MTMR8: variants seen among roughly 807,000 people sequenced by gnomAD.
MTMR8 encodes myotubularin related protein 8.
In MTMR8, 65 loss-of-function variants were observed where a neutral mutation model predicts 39.3. The ratio of observed to expected loss-of-function variants is 1.65; its 90% CI spans 1.35 to 2.03. MTMR8 has a LOEUF of 2.03. MTMR8 is among the 30% of genes most tolerant of loss of function. The probability of loss-of-function intolerance (pLI) is 0.00; values close to 1 mark genes in which losing one functional copy is unlikely to be tolerated. For missense variants in MTMR8, 777 were observed against 538.9 expected (o/e 1.44, Z -4.37); for synonymous variants, 245 against 185.2 (o/e 1.32, Z -2.62).
intron 6 of MTMR8, among the ~76,000 whole-genome samples, chrX:64,348,277 T>C (rs1255256480): frequency 9.0e-6 from 1 of 110,992 alleles, no homozygotes; most frequent in East Asian, 2.8e-4. Context: ...AAAAACATGT[T>C]GGTTGTAGTA....
intron 12 of MTMR8, among the ~76,000 whole-genome samples, chrX:64,311,731 G>A (rs1229011848): frequency 1.9e-5 from 2 of 106,793 alleles, no homozygotes; most frequent in South Asian, 4.1e-4. Context: ...AGTTTTCCCA[G>A]CACCATTTAT....
At position 64,268,186 on chromosome X, in the gene MTMR8, T is replaced by C; in HGVS notation, c.*351A>G. On this transcript the variant is annotated 3_prime_UTR_variant, in exon 14 of 14. Transcript: ENST00000374852. ...TTGACCATTGTGACAATATTTCCAC[T>C]TCACTTTCACATTACTGCAGTGAGG... 4.9e-6 allele frequency: 1 copy of C among 202,976 alleles called. No individual in the cohort carries two copies. Among genetic ancestry groups the C allele is most frequent in the Admixed American group, 6.6e-5 (1 of 15,236 alleles). 16.7% of individuals were successfully genotyped at this position (202,976 alleles called of 1,213,427 possible).
intron 12 of MTMR8, among the ~76,000 whole-genome samples, chrX:64,276,265 G>A (rs138950559): frequency 9.0e-6 from 1 of 110,553 alleles, no homozygotes; most frequent in Non-Finnish European, 1.9e-5. Flanking sequence ...CTAGATGTTA[G>A]GGTGTTGATC....
intron 12 of MTMR8, among the ~76,000 whole-genome samples, chrX:64,299,786 T>A (rs1171717205): frequency 9.9e-5 from 10 of 101,038 alleles, no homozygotes; most frequent in Non-Finnish European, 1.4e-4. Flanking sequence ...TGTGTCTTTG[T>A]TCTCGTTGGT....
chrX:64,302,268 G>T (rs900453535), intron 12 of MTMR8, among the ~76,000 whole-genome samples: 2 of 112,552 alleles, frequency 1.8e-5, no homozygotes, highest in Non-Finnish European at 3.8e-5. Context: ...TAGTCTCATG[G>T]TGCGCCGTTT....
At chrX:64,358,743 C>A (rs1464903313) in intron 2 of MTMR8, among the ~76,000 whole-genome samples, 4 of 110,159 alleles carry the variant, frequency 3.6e-5, no homozygotes, top group African/African-American at 9.9e-5. Context: ...AAATTATGAT[C>A]TTTAGGATGG....
chrX:64,360,416 A>G, intron 1 of MTMR8: 1 of 305,514 alleles, frequency 3.3e-6, no homozygotes, highest in Non-Finnish European at 6.2e-6. Flanking sequence ...AATCAAATGA[A>G]GATACGGAAC....
intron 12 of MTMR8, among the ~76,000 whole-genome samples, chrX:64,318,746 C>T (rs750866522): frequency 4.3e-5 from 4 of 91,973 alleles, no homozygotes; most frequent in East Asian, 3.3e-4. Context: ...CTCCCTCTGT[C>T]GCCCAGGCTG....
At position 64,301,211 on chromosome X, in the gene MTMR8, C is replaced by T. The variant is rs1020312589; in HGVS notation, c.1481+27561G>A. The stretch of plus-strand genomic sequence containing the variant: ...CCATTCTCCTCATCACTTTCAGGTA[C>T]ACCAATCAGACGTAGATTTGGTCTT... On this transcript the variant is annotated intron_variant, in intron 12 of 13. Coordinates refer to ENST00000374852, the MANE Select transcript of MTMR8 (RefSeq NM_017677.4). 1.1e-3 allele frequency among the ~76,000 whole-genome samples: 120 copies of T among 109,636 alleles called. 1 individual carries two copies. Among genetic ancestry groups the T allele is most frequent in the African/African-American group, 4.0e-3 (120 of 30,149 alleles).
chrX:64,379,249 G>A (rs988662465), intron 1 of MTMR8, among the ~76,000 whole-genome samples: 4 of 112,027 alleles, frequency 3.6e-5, no homozygotes, highest in African/African-American at 1.3e-4. Flanking sequence ...CAAAATGGAA[G>A]CAGACAGAAT....
intron 1 of MTMR8, among the ~76,000 whole-genome samples, chrX:64,384,207 G>A (rs1444951246): frequency 8.9e-6 from 1 of 112,124 alleles, no homozygotes; most frequent in Non-Finnish European, 1.9e-5. Context: ...ACTGCTGTGA[G>A]GGGTGGACTC....
chrX:64,276,813 G>C (rs779448041), intron 12 of MTMR8, among the ~76,000 whole-genome samples: 3 of 110,909 alleles, frequency 2.7e-5, no homozygotes, highest in Admixed American at 1.9e-4. Flanking sequence ...GTCTAGAGCT[G>C]AGTTCAAGTC....
intron 12 of MTMR8, among the ~76,000 whole-genome samples, chrX:64,301,757 T>A (rs900325776): frequency 1.7e-4 from 19 of 111,748 alleles, no homozygotes; most frequent in African/African-American, 5.9e-4. Context: ...GGGTTTTCGG[T>A]GTGGATGTCC....
chrX:64,389,003 C>T (rs1057407755), intron 1 of MTMR8, among the ~76,000 whole-genome samples: 1 of 111,951 alleles, frequency 8.9e-6, no homozygotes, highest in Non-Finnish European at 1.9e-5. Context: ...GTAAAGAGCA[C>T]AAACTTGGGT....
intron 1 of MTMR8, among the ~76,000 whole-genome samples, chrX:64,370,206 T>A (rs1303534069): frequency 9.0e-6 from 1 of 111,123 alleles, no homozygotes; most frequent in Non-Finnish European, 1.9e-5. Flanking sequence ...TAAAAAGCCA[T>A]CTTTCCTTTT....
At chrX:64,308,883 T>C (rs1290519237) in intron 12 of MTMR8, among the ~76,000 whole-genome samples, 1 of 112,023 alleles carries the variant, frequency 8.9e-6, no homozygotes, top group Non-Finnish European at 1.9e-5. Context: ...GAATTGTCTT[T>C]GTTCCTTTGT....
At chrX:64,297,583 T>A (rs1281160517) in intron 12 of MTMR8, among the ~76,000 whole-genome samples, 2 of 90,050 alleles carry the variant, frequency 2.2e-5, no homozygotes, top group Admixed American at 1.3e-4. Context: ...CTCTTTAGTT[T>A]AATTAGATCC....
intron 12 of MTMR8, among the ~76,000 whole-genome samples, chrX:64,298,242 T>C (rs1224876298): frequency 9.6e-6 from 1 of 104,538 alleles, no homozygotes; most frequent in Non-Finnish European, 2.0e-5. Context: ...TTTGTTTGTA[T>C]CCTCTTTTAT....
chrX:64,351,876 G>A (rs897887753), intron 4 of MTMR8, among the ~76,000 whole-genome samples: 6 of 110,826 alleles, frequency 5.4e-5, no homozygotes, highest in Non-Finnish European at 9.5e-5. Flanking sequence ...AGGGAATGGT[G>A]CCCACCCAGA....
Sources: gnomAD v4.1 joint callset for allele counts (sites outside exome capture counted in the v4.1 genomes callset) on GRCh38, gnomAD v4.1.1 for gene constraint, MANE v1.5 for transcripts, NCBI Gene and HGNC (gene_info 2026-07-23, HGNC 2026-07-21) for gene names.